Variants in LRRIQ4 observed in about 807,000 individuals in gnomAD.
The protein encoded by LRRIQ4 is leucine rich repeats and IQ motif containing 4, also known as leucine-rich repeat and IQ domain-containing protein 4.
A neutral mutation model predicts 40.1 loss-of-function variants in LRRIQ4; 21 were observed. The ratio of observed to expected loss-of-function variants is 0.52; its 90% confidence interval spans 0.37 to 0.75. The LOEUF (loss-of-function observed/expected upper bound fraction) is 0.75, where lower values mean the gene tolerates loss of function less well. Among genes scored for constraint, LRRIQ4 ranks in the 30% least tolerant of loss-of-function variants. The pLI is 0.00. For missense variants in LRRIQ4, 655 were observed against 660.0 expected, an observed-to-expected ratio of 0.99 and a Z score of 0.08; for synonymous variants, 277 against 277.1, an observed-to-expected ratio of 1.00 and a Z score of 0.00.
intron 2 of LRRIQ4, among the ~76,000 whole-genome samples, chr3:169,825,916 T>C (rs1480738673): frequency 6.6e-6 from 1 of 152,180 alleles, no homozygotes; most frequent in Non-Finnish European, 1.5e-5. Flanking sequence ...TGCATTTCTC[T>C]CCTCAATGAA....
chr3:169,816,437 G>T (rs922153168), intron 1 of LRRIQ4, among the ~76,000 whole-genome samples: 1 of 151,970 alleles, frequency 6.6e-6, no homozygotes, highest in African/African-American at 2.4e-5. Flanking sequence ...GTTTCCCAAT[G>T]TATTAACATA....
intron 5 of LRRIQ4, among the ~76,000 whole-genome samples, chr3:169,834,097 C>G (rs112311558): frequency 1.3e-5 from 2 of 152,166 alleles, no homozygotes; most frequent in Admixed American, 1.3e-4. Flanking sequence ...CGCGGTGGCT[C>G]TCGCCTGTAA....
chr3:169,831,166 C>T (rs1780163160), intron 4 of LRRIQ4, among the ~76,000 whole-genome samples: 1 of 149,124 alleles, frequency 6.7e-6, no homozygotes, highest in South Asian at 2.1e-4. Context: ...ACTTAATATG[C>T]TTTTGCTGAG....
Position 169,832,994 on chromosome 3 carries a change from A to G in LRRIQ4, c.1341A>G (p.Lys447=), listed in dbSNP as rs1780216497. 1 of 1,608,012 alleles carries G rather than the reference A, an allele frequency of 6.2e-7. No individual in the cohort carries two copies. Among genetic ancestry groups the G allele is most frequent in the South Asian group, 1.1e-5 (1 of 89,558 alleles). ...ACGAAAAAATCTTTTCAGCTTTGAAAGAATTACGGCTGGAGGACAACTTGC... is the reference window on the plus strand; with the variant it reads ...ACGAAAAAATCTTTTCAGCTTTGAAGGAATTACGGCTGGAGGACAACTTGC... ...PDAICQAQAL[K]ELRLEDNLLT... The change falls in exon 5 of 6, where the codon AAA becomes AAG. Residue 447 remains lysine, a synonymous_variant. Transcript: ENST00000340806.
intron 5 of LRRIQ4, among the ~76,000 whole-genome samples, chr3:169,833,725 G>A (rs1780238324): frequency 6.6e-6 from 1 of 152,122 alleles, no homozygotes; most frequent in Non-Finnish European, 1.5e-5. Flanking sequence ...TCATCTCACA[G>A]CCGGATAACT....
chr3:169,813,473 C>T (rs1272594887), intron 1 of LRRIQ4, among the ~76,000 whole-genome samples: 1 of 152,098 alleles, frequency 6.6e-6, no homozygotes, highest in Non-Finnish European at 1.5e-5. Flanking sequence ...TCCTTATCCC[C>T]CTTGCAGGGC....
At chr3:169,828,259 T>TTC (rs948739039) in intron 2 of LRRIQ4, among the ~76,000 whole-genome samples, 1 of 151,700 alleles carries the variant, frequency 6.6e-6, no homozygotes, top group Non-Finnish European at 1.5e-5. Context: ...TTGAGACAGA[T>TTC]TCTCGCTCTG....
chr3:169,830,106 G>A (rs980446902), intron 3 of LRRIQ4, among the ~76,000 whole-genome samples: 1 of 152,086 alleles, frequency 6.6e-6, no homozygotes, highest in Non-Finnish European at 1.5e-5. Flanking sequence ...ATATTGGGTT[G>A]ATAGTTGAGG....
At chr3:169,817,584 T>C (rs1449682006) in intron 1 of LRRIQ4, among the ~76,000 whole-genome samples, 1 of 152,240 alleles carries the variant, frequency 6.6e-6, no homozygotes, top group Non-Finnish European at 1.5e-5. Flanking sequence ...TCTCTAGTAA[T>C]ATTTGCTTTA....
chr3:169,821,971 GAA>G lies in LRRIQ4; in HGVS notation c.52_53del (p.Asn18Ter). On this transcript the variant is annotated frameshift_variant, in exon 2 of 6. Coordinates refer to ENST00000340806, the MANE Select transcript of LRRIQ4 (RefSeq NM_001080460.3). LOFTEE classifies it high-confidence loss of function. ...GAACATTCACCTAAAATTCATCAGAGAAATGATCCACAGCACGTCAATGATAG... is the reference window on the plus strand; with the variant it reads ...GAACATTCACCTAAAATTCATCAGAGATGATCCACAGCACGTCAATGATAG... 6.6e-7 allele frequency: 1 copy of G among 1,514,232 alleles called. No individual in the cohort carries two copies. Among genetic ancestry groups the G allele is most frequent in the South Asian group, 1.4e-5 (1 of 72,434 alleles). The allele number at this position is 1,514,232 out of a possible 1,614,324, so 93.8% of individuals were successfully genotyped here. A position where few individuals can be genotyped will look rare whatever the true frequency, so the allele number is the denominator to read the frequency against.
intron 2 of LRRIQ4, among the ~76,000 whole-genome samples, chr3:169,825,842 TTG>T (rs372919558): frequency 2.6e-5 from 4 of 151,956 alleles, no homozygotes; most frequent in Admixed American, 1.3e-4. Context: ...CTGATGGGTT[TTG>T]TGTGTGTGTG....
At chr3:169,823,176 T>G (rs1360789956) in intron 2 of LRRIQ4, among the ~76,000 whole-genome samples, 2 of 152,114 alleles carry the variant, frequency 1.3e-5, no homozygotes, top group Non-Finnish European at 2.9e-5. Context: ...CTGAGCTAAG[T>G]GTTTACATGG....
chr3:169,837,611 G>A lies in LRRIQ4; in HGVS notation c.1663G>A (p.Gly555Arg), dbSNP rs1243100651. Residue 555 changes from glycine (G) to arginine (R), a missense_variant, in exon 6 of 6, where the codon GGA becomes AGA. By Grantham distance (125) the Gly-to-Arg change is moderately radical. Transcript: ENST00000340806. The part of the protein sequence containing the change: ...KGKKDVKGKP[G>R]KGKKK ...AAAGAAGGATGTAAAAGGAAAACCA[G>A]GAAAGGGAAAAAAGAAATAATCCTG... 5 of 1,577,086 alleles carry A rather than the reference G, an allele frequency of 3.2e-6. No homozygotes were observed. Among genetic ancestry groups the A allele is most frequent in the Middle Eastern group, 1.7e-4 (1 of 5,974 alleles).
rs569495320 is a variant in LRRIQ4 at position 169,819,536 on chromosome 3, G to A, written c.-31-2355G>A. Among the ~76,000 whole-genome samples, 29 of 152,200 alleles carry A rather than the reference G, an allele frequency of 1.9e-4. No homozygotes were observed. The South Asian group carries it at 2.3e-3, about 12-fold the overall frequency. On this transcript the variant is annotated intron_variant, in intron 1 of 5. Transcript: ENST00000340806. The stretch of plus-strand genomic sequence containing the variant: ...AAATCAAGTCTAAAATTTCACACCC[G>A]AGAAGAATGATTTTAATAAGTGCCA...
intron 2 of LRRIQ4, among the ~76,000 whole-genome samples, chr3:169,827,962 G>A (rs767945516): frequency 2.0e-5 from 3 of 152,174 alleles, no homozygotes; most frequent in East Asian, 1.9e-4. Context: ...AACATGACAC[G>A]ATAGGATCAT....
intron 1 of LRRIQ4, among the ~76,000 whole-genome samples, chr3:169,815,871 C>T (rs554172274): frequency 1.3e-5 from 2 of 152,178 alleles, no homozygotes; most frequent in African/African-American, 2.4e-5. Flanking sequence ...TTATCACATG[C>T]TTTTTCAGCA....
At chr3:169,816,594 AT>A (rs1779774870) in intron 1 of LRRIQ4, among the ~76,000 whole-genome samples, 1 of 150,376 alleles carries the variant, frequency 6.6e-6, no homozygotes, top group Non-Finnish European at 1.5e-5. Flanking sequence ...CCAACTTTTC[AT>A]TTTATTAATT....
At chr3:169,832,485 A>T (rs1780202015) in intron 4 of LRRIQ4, among the ~76,000 whole-genome samples, 1 of 150,412 alleles carries the variant, frequency 6.6e-6, no homozygotes, top group African/African-American at 2.5e-5. Flanking sequence ...AAAAAAAAAT[A>T]GCCAAGTGTG....
intron 3 of LRRIQ4, 93 bp downstream of exon 3, chr3:169,829,025 A>T (rs1203488051): frequency 8.9e-7 from 1 of 1,121,858 alleles, no homozygotes; most frequent in East Asian, 2.4e-5. Flanking sequence ...CACAGGCTGG[A>T]TGTAGAATCA....
Sources: allele counts gnomAD v4.1 joint callset (sites outside exome capture counted in the v4.1 genomes callset), GRCh38; gene constraint gnomAD v4.1.1; transcripts MANE v1.5; gene names NCBI Gene and HGNC (gene_info 2026-07-23, HGNC 2026-07-21).